KIRREL3: variants seen among roughly 807,000 people sequenced by gnomAD.
KIRREL3 encodes kirre like nephrin family adhesion molecule 3.
In KIRREL3, 36 loss-of-function variants were observed where a neutral mutation model predicts 89.7. The ratio of observed to expected loss-of-function variants is 0.40; its 90% CI spans 0.31 to 0.53. The LOEUF (loss-of-function observed/expected upper bound fraction) is 0.53. KIRREL3 is among the 20% of genes least tolerant of loss of function. The pLI is 0.49. For synonymous variants in KIRREL3, 445 were observed against 441.4 expected (o/e 1.01, Z -0.10); for missense variants, 864 against 1,056.6 (o/e 0.82, Z 2.53).
At chr11:126,836,985 T>G (rs972737106) in intron 1 of KIRREL3, among the ~76,000 whole-genome samples, 1 of 148,958 alleles carries the variant, frequency 6.7e-6, no homozygotes, top group Non-Finnish European at 1.5e-5. Context: ...TTTCAGTCCC[T>G]CAGACATTTA....
At chr11:126,871,633 CT>C (rs1945113562) in intron 1 of KIRREL3, among the ~76,000 whole-genome samples, 1 of 152,144 alleles carries the variant, frequency 6.6e-6, no homozygotes, top group Admixed American at 6.5e-5. Context: ...GGCAAAGGGG[CT>C]TTTTGGTCAT....
At position 126,561,798 on chromosome 11, in the gene KIRREL3, G is replaced by C. The variant is rs1940141386; in HGVS notation, c.133+1037C>G. Among the ~76,000 whole-genome samples, 1 of 152,192 alleles carries C rather than the reference G, an allele frequency of 6.6e-6. No individual in the cohort carries two copies. The highest frequency in any genetic ancestry group is 1.5e-5 in the Non-Finnish European group (1 of 68,028). On this transcript the variant is annotated intron_variant, in intron 2 of 16. Coordinates refer to ENST00000525144, the MANE Select transcript of KIRREL3 (RefSeq NM_032531.4). This position sits in a 1 kb window ranked among gnomAD's most constrained non-coding sequence, Gnocchi z 4.5. Reference sequence around the variant, plus strand: ...TCACCATGATGGGTGCTGGAAACAGGTCCACAGCTGGCAAAGTCTCAGGCA... The same window carrying C: ...TCACCATGATGGGTGCTGGAAACAGCTCCACAGCTGGCAAAGTCTCAGGCA...
intron 1 of KIRREL3, among the ~76,000 whole-genome samples, chr11:126,792,226 C>G (rs1950666892): frequency 6.6e-6 from 1 of 152,218 alleles, no homozygotes; most frequent in Non-Finnish European, 1.5e-5. Context: ...GCTTTCCAAT[C>G]TGTAGAATGG....
At chr11:126,779,773 C>A (rs529819627) in intron 1 of KIRREL3, among the ~76,000 whole-genome samples, 1 of 148,880 alleles carries the variant, frequency 6.7e-6, no homozygotes, top group Non-Finnish European at 1.5e-5. Context: ...CTATTGGTTA[C>A]TACCAAGCCA....
At chr11:126,473,238 C>A in intron 5 of KIRREL3, 71 bp downstream of exon 5, 1 of 755,438 alleles carries the variant, frequency 1.3e-6, no homozygotes, top group Non-Finnish European at 1.8e-6. Flanking sequence ...AACTCCCTGT[C>A]CACCTAGCCC....
In KIRREL3 at chr11:126,776,949, T is replaced by G. The variant is rs1422148113; in HGVS notation, c.56-214037A>C. On this transcript the variant is annotated intron_variant, in intron 1 of 16. Transcript: ENST00000525144. The surrounding 1 kb of genome is among the most constrained non-coding windows in gnomAD (Gnocchi z 4.7). ...GAAAGTTTGGATTTGCAATCACAGA[T>G]GCCCCATGTGGCTTCTTGAGAGATG... 6.6e-6 allele frequency among the ~76,000 whole-genome samples: 1 copy of G among 152,212 alleles called. No individual in the cohort carries two copies. Among genetic ancestry groups the G allele is most frequent in the Non-Finnish European group, 1.5e-5 (1 of 68,024 alleles).
At position 126,697,196 on chromosome 11, in the gene KIRREL3, C is replaced by T. The variant is rs1325864380; in HGVS notation, c.56-134284G>A. Among the ~76,000 whole-genome samples the T allele has an allele frequency of 1.3e-5, 2 of 152,174 alleles. No individual in the cohort carries two copies. The highest frequency in any genetic ancestry group is 2.9e-5 in the Non-Finnish European group (2 of 68,038). On this transcript the variant is annotated intron_variant, in intron 1 of 16. Transcript: ENST00000525144. The surrounding 1 kb of genome is among the most constrained non-coding windows in gnomAD (Gnocchi z 4.2). ...TGTGTTCACCTGGCTCACAGCCCTCCTTAATTACAATTGTAATTGTTTATG... is the reference window on the plus strand; with the variant it reads ...TGTGTTCACCTGGCTCACAGCCCTCTTTAATTACAATTGTAATTGTTTATG...
chr11:126,831,772 A>G (rs977053712), intron 1 of KIRREL3, among the ~76,000 whole-genome samples: 7 of 152,176 alleles, frequency 4.6e-5, no homozygotes, highest in African/African-American at 1.7e-4. Flanking sequence ...CTTTCTATTA[A>G]AGCATGAACC....
intron 1 of KIRREL3, among the ~76,000 whole-genome samples, chr11:126,661,065 G>C (rs1945378872): frequency 6.6e-6 from 1 of 152,108 alleles, no homozygotes; most frequent in Non-Finnish European, 1.5e-5. Flanking sequence ...TAACATCTTG[G>C]TGAAATACCC....
intron 11 of KIRREL3, among the ~76,000 whole-genome samples, chr11:126,438,396 G>T (rs1267865447): frequency 2.0e-5 from 3 of 152,226 alleles, no homozygotes; most frequent in Non-Finnish European, 4.4e-5. Flanking sequence ...AGTTTCTCAA[G>T]CTTGCTGCTA....
Position 126,905,236 on chromosome 11 carries a change from AG to A in KIRREL3, c.55+95218del, listed in dbSNP as rs1243469045. On this transcript the variant is annotated intron_variant, in intron 1 of 16. Transcript: ENST00000525144. The surrounding 1 kb of genome is among the most constrained non-coding windows in gnomAD (Gnocchi z 5.0). ...TTCCAATAAGTCACCTTCCATGGCA[AG>A]GGGAGGGTGGGTGATATTTTTTAGT... Among the ~76,000 whole-genome samples, 1 of 152,030 alleles carries A rather than the reference AG, an allele frequency of 6.6e-6. No individual in the cohort carries two copies. Among genetic ancestry groups the A allele is most frequent in the Non-Finnish European group, 1.5e-5 (1 of 67,998 alleles).
At chr11:126,866,266 G>T (rs894140545) in intron 1 of KIRREL3, among the ~76,000 whole-genome samples, 9 of 152,240 alleles carry the variant, frequency 5.9e-5, no homozygotes, top group Non-Finnish European at 8.8e-5. Context: ...TTGATGTCTT[G>T]CAGGGAGATG....
chr11:126,446,079 C>A (rs183132368), intron 9 of KIRREL3, among the ~76,000 whole-genome samples: 1 of 139,672 alleles, frequency 7.2e-6, no homozygotes, highest in Non-Finnish European at 1.5e-5. Flanking sequence ...ACCCGGGAGG[C>A]GGAGTTTGTG....
intron 1 of KIRREL3, among the ~76,000 whole-genome samples, chr11:126,901,653 G>A (rs1946375843): frequency 6.6e-6 from 1 of 152,210 alleles, no homozygotes; most frequent in African/African-American, 2.4e-5. Flanking sequence ...CAACTTGGAT[G>A]TCTAAAGCCA....
intron 1 of KIRREL3, among the ~76,000 whole-genome samples, chr11:126,581,844 C>G (rs531379648): frequency 6.6e-6 from 1 of 152,024 alleles, no homozygotes; most frequent in Admixed American, 6.6e-5. Context: ...GCTGTCCTGA[C>G]GTGGCACGGA....
chr11:126,964,391 T>C (rs1949200326), intron 1 of KIRREL3, among the ~76,000 whole-genome samples: 1 of 152,156 alleles, frequency 6.6e-6, no homozygotes, highest in Non-Finnish European at 1.5e-5. Context: ...AGATAGATAG[T>C]TTTAGCTCTT....
chr11:126,712,264 A>AGTGTGTGTGTGT lies in KIRREL3; in HGVS notation c.56-149364_56-149353dup, dbSNP rs3045186. 1.5e-3 allele frequency among the ~76,000 whole-genome samples: 222 copies of AGTGTGTGTGTGT among 149,734 alleles called. 3 individuals are homozygous for AGTGTGTGTGTGT. The highest frequency in any genetic ancestry group is 5.2e-3 in the African/African-American group (210 of 40,756). On this transcript the variant is annotated intron_variant, in intron 1 of 16. Transcript: ENST00000525144. The stretch of plus-strand genomic sequence containing the variant: ...GAAATGTGTGCTCCAGATAAGGGCG[A>AGTGTGTGTGTGT]GTGTGTGTGTGTGTGTGTGTGCGCG...
At chr11:126,691,285 G>A (rs1946870728) in intron 1 of KIRREL3, among the ~76,000 whole-genome samples, 1 of 152,202 alleles carries the variant, frequency 6.6e-6, no homozygotes, top group South Asian at 2.1e-4. Context: ...CTCTTAGGAA[G>A]TCAGACAAGG....
At position 126,620,679 on chromosome 11, in the gene KIRREL3, G is replaced by T. The variant is rs1943540013; in HGVS notation, c.56-57767C>A. Among the ~76,000 whole-genome samples the T allele has an allele frequency of 6.6e-6, 1 of 152,116 alleles. No homozygotes were observed. Among genetic ancestry groups the T allele is most frequent in the Non-Finnish European group, 1.5e-5 (1 of 68,030 alleles). On this transcript the variant is annotated intron_variant, in intron 1 of 16. Transcript: ENST00000525144. This position sits in a 1 kb window ranked among gnomAD's most constrained non-coding sequence, Gnocchi z 4.8. ...AGATGTTACAATTAGTTCCTTCCTGGTCCCACATTCATTCCCTTGCTGCCT... is the reference window on the plus strand; with the variant it reads ...AGATGTTACAATTAGTTCCTTCCTGTTCCCACATTCATTCCCTTGCTGCCT...
Sources: allele counts gnomAD v4.1 joint callset (sites outside exome capture counted in the v4.1 genomes callset), GRCh38; gene constraint gnomAD v4.1.1; non-coding constraint Gnocchi (gnomAD v3.1); transcripts MANE v1.5; gene names NCBI Gene and HGNC (gene_info 2026-07-23, HGNC 2026-07-21).